Variants in LRP1B observed in about 807,000 individuals in gnomAD.
LRP1B encodes the protein low-density lipoprotein receptor-related protein 1B.
In LRP1B, 217 loss-of-function variants were observed where a neutral mutation model predicts 556.6. That is an observed-to-expected ratio of 0.39 (90% CI 0.35 to 0.44). The LOEUF is 0.44. Among genes scored for constraint, LRP1B ranks in the 20% least tolerant of loss-of-function variants. LRP1B has a pLI of 1.00. For synonymous variants in LRP1B, 2,047 were observed against 1,865.8 expected, an observed-to-expected ratio of 1.10 and a Z score of -2.50; for missense variants, 5,053 against 5,620.8, an observed-to-expected ratio of 0.90 and a Z score of 3.23.
chr2:140,881,744 A>C (rs1269366416), intron 25 of LRP1B, among the ~76,000 whole-genome samples: 1 of 152,174 alleles, frequency 6.6e-6, no homozygotes, highest in African/African-American at 2.4e-5. Flanking sequence ...CCCCAGAAGC[A>C]TTTTTGACTT....
intron 1 of LRP1B, among the ~76,000 whole-genome samples, chr2:141,941,738 T>C (rs1305011840): frequency 2.0e-5 from 3 of 152,174 alleles, no homozygotes; most frequent in African/African-American, 7.2e-5. Flanking sequence ...GATTCTGGTT[T>C]TTATTTCAAG....
intron 41 of LRP1B, among the ~76,000 whole-genome samples, chr2:140,611,340 T>C (rs553717847): frequency 7.9e-5 from 12 of 152,324 alleles, no homozygotes; most frequent in Non-Finnish European, 1.6e-4. Context: ...GAATATTTTC[T>C]GATCTTTTAG....
At chr2:142,041,970 T>C (rs1366175331) in intron 1 of LRP1B, among the ~76,000 whole-genome samples, 1 of 151,536 alleles carries the variant, frequency 6.6e-6, no homozygotes, top group Non-Finnish European at 1.5e-5. Context: ...GGGGAAAAGA[T>C]GATTATTTTT....
At chr2:141,913,700 G>T (rs1699962782) in intron 1 of LRP1B, among the ~76,000 whole-genome samples, 1 of 152,066 alleles carries the variant, frequency 6.6e-6, no homozygotes, top group Non-Finnish European at 1.5e-5. Flanking sequence ...AACTACTAAT[G>T]ATGAGTGATA....
intron 2 of LRP1B, among the ~76,000 whole-genome samples, chr2:141,685,796 TAGC>T (rs1691273149): frequency 1.3e-5 from 2 of 152,014 alleles, no homozygotes. Flanking sequence ...AGAAATAAGT[TAGC>T]AGGCTGATTT....
chr2:140,617,750 T>G (rs1683307831), intron 41 of LRP1B, among the ~76,000 whole-genome samples: 1 of 152,026 alleles, frequency 6.6e-6, no homozygotes, highest in South Asian at 2.1e-4. Context: ...CATAAAAATA[T>G]AAAAAGTAAG....
At chr2:141,999,543 G>T (rs972752334) in intron 1 of LRP1B, among the ~76,000 whole-genome samples, 10 of 152,136 alleles carry the variant, frequency 6.6e-5, no homozygotes, top group African/African-American at 2.2e-4. Flanking sequence ...AAGAAATAAA[G>T]ATTTAAAAGT....
chr2:141,439,767 G>A lies in LRP1B; in HGVS notation c.343+40629C>T, dbSNP rs148290977. ...ACACACACTCACACACAACCTTGAT[G>A]AGCAGTACTGATTATTGAAAATAAT... On this transcript the variant is annotated intron_variant, in intron 3 of 90. Coordinates refer to ENST00000389484, the MANE Select transcript of LRP1B (RefSeq NM_018557.3). Among the ~76,000 whole-genome samples, 601 of 152,268 alleles carry A rather than the reference G, an allele frequency of 3.9e-3. 6 individuals are homozygous for A. Among genetic ancestry groups the A allele is most frequent in the African/African-American group, 0.014 (590 of 41,548 alleles).
In LRP1B at chr2:140,858,530, A is replaced by G. The variant is rs1282359359; in HGVS notation, c.4580-6747T>C. On this transcript the variant is annotated intron_variant, in intron 27 of 90. Transcript: ENST00000389484. ...AGAGAGAGAGAGAGAGAGAGAGAGA[A>G]AGGAAAGAGAAAGAGAAATTTAATT... Among the ~76,000 whole-genome samples the G allele has an allele frequency of 1.0e-4, 9 of 86,396 alleles. No individual in the cohort carries two copies. The South Asian group carries it at 1.4e-3, about 13-fold the overall frequency. 56.7% of individuals were successfully genotyped at this position (86,396 alleles called of 152,430 possible).
intron 1 of LRP1B, among the ~76,000 whole-genome samples, chr2:142,035,614 T>C (rs1316571490): frequency 6.6e-6 from 1 of 151,662 alleles, no homozygotes; most frequent in Non-Finnish European, 1.5e-5. Flanking sequence ...TTTGTTTCCG[T>C]CCATTCCTTT....
In LRP1B at chr2:142,056,610, A is replaced by G. The variant is rs780309997; in HGVS notation, c.82+74038T>C. Among the ~76,000 whole-genome samples, 13 of 152,134 alleles carry G rather than the reference A, an allele frequency of 8.5e-5. 1 individual carries two copies. The highest frequency in any genetic ancestry group is 3.2e-3 in the Middle Eastern group (1 of 314). ...AGAAAACAAACACAAACACAAAGAG[A>G]TAAATGAAACCCTCCCTAAACATCC... On this transcript the variant is annotated intron_variant, in intron 1 of 90. Coordinates refer to ENST00000389484, the MANE Select transcript of LRP1B (RefSeq NM_018557.3).
At chr2:141,698,454 C>G (rs1243624692) in intron 2 of LRP1B, among the ~76,000 whole-genome samples, 1 of 147,698 alleles carries the variant, frequency 6.8e-6, no homozygotes, top group Non-Finnish European at 1.5e-5. Context: ...CACTTGTTCT[C>G]TAAGTGAGAT....
chr2:141,634,073 A>T (rs1354109776), intron 2 of LRP1B, among the ~76,000 whole-genome samples: 2 of 151,940 alleles, frequency 1.3e-5, no homozygotes, highest in Non-Finnish European at 2.9e-5. Context: ...CTCAGCTTGA[A>T]GAGTATTTAG....
chr2:141,904,826 A>G (rs539958050), intron 1 of LRP1B, among the ~76,000 whole-genome samples: 48 of 152,068 alleles, frequency 3.2e-4, no homozygotes, highest in Admixed American at 3.2e-3. Flanking sequence ...TTTAAACAAG[A>G]AAACATTTCA....
chr2:141,877,463 A>G (rs1698809318), intron 1 of LRP1B, among the ~76,000 whole-genome samples: 2 of 152,072 alleles, frequency 1.3e-5, no homozygotes, highest in South Asian at 4.1e-4. Context: ...TAAGAAGCAA[A>G]TATGTCTTCT....
At chr2:142,061,532 G>T (rs938960512) in intron 1 of LRP1B, among the ~76,000 whole-genome samples, 3 of 151,878 alleles carry the variant, frequency 2.0e-5, no homozygotes, top group Non-Finnish European at 4.4e-5. Flanking sequence ...AGCAAACAGG[G>T]CAAAGAACAT....
intron 31 of LRP1B, among the ~76,000 whole-genome samples, chr2:140,817,651 C>T (rs1343081008): frequency 6.6e-6 from 1 of 151,732 alleles, no homozygotes; most frequent in Non-Finnish European, 1.5e-5. Context: ...TCATATATTA[C>T]TGAAAAAATT....
At chr2:140,241,655 A>G (rs1009750283) in intron 87 of LRP1B, among the ~76,000 whole-genome samples, 1 of 150,938 alleles carries the variant, frequency 6.6e-6, no homozygotes, top group Admixed American at 6.6e-5. Flanking sequence ...AATCAAAGTA[A>G]CTACTATAAA....
chr2:140,976,650 G>A (rs553758352), intron 18 of LRP1B, among the ~76,000 whole-genome samples: 44 of 151,612 alleles, frequency 2.9e-4, no homozygotes, highest in Non-Finnish European at 4.9e-4. Context: ...TGGGATTACA[G>A]GCATGCATTA....
Sources: gnomAD v4.1 joint callset for allele counts (sites outside exome capture counted in the v4.1 genomes callset) on GRCh38, gnomAD v4.1.1 for gene constraint, MANE v1.5 for transcripts, NCBI Gene and HGNC (gene_info 2026-07-23, HGNC 2026-07-21) for gene names.